PSEN2: variants seen among roughly 807,000 people sequenced by gnomAD.
PSEN2 encodes presenilin-2.
A neutral mutation model predicts 49.1 loss-of-function variants in PSEN2; 32 were observed. The ratio of observed to expected loss-of-function variants is 0.65; its 90% confidence interval spans 0.49 to 0.88. The LOEUF (loss-of-function observed/expected upper bound fraction) is 0.88, where lower values mean the gene tolerates loss of function less well. Ranked by LOEUF, PSEN2 falls within the 40% of genes least tolerant of loss-of-function variation. The pLI is 0.00. For synonymous variants in PSEN2, 255 were observed against 244.0 expected (o/e 1.05, Z -0.42); for missense variants, 522 against 586.9 (o/e 0.89, Z 1.14).
intron 5 of PSEN2, among the ~76,000 whole-genome samples, chr1:226,884,445 A>G (rs1028627016): frequency 6.6e-6 from 1 of 152,130 alleles, no homozygotes; most frequent in East Asian, 1.9e-4. Flanking sequence ...AGTAAAATAC[A>G]TGCAGAGGCA....
chr1:226,890,118 G>A lies in PSEN2; in HGVS notation c.871G>A (p.Ala291Thr), dbSNP rs1296772638. The change falls in exon 9 of 13, where the codon GCC becomes ACC. Residue 291 changes from alanine (A) to threonine (T), a missense_variant. Coordinates refer to ENST00000366783, the MANE Select transcript of PSEN2 (RefSeq NM_000447.3). The part of the protein sequence containing the change: ...AQERNEPIFP[A>T]LIYSSAMVWT... ...GGAGAGAAATGAGCCCATATTCCCT[G>A]CCCTGATATACTCATGTGAGTGAGC... The A allele has an allele frequency of 6.2e-7, 1 of 1,613,384 alleles. No homozygotes were observed. Among genetic ancestry groups the A allele is most frequent in the Non-Finnish European group, 8.5e-7 (1 of 1,179,340 alleles).
chr1:226,884,448 C>G (rs1661213967), intron 5 of PSEN2, among the ~76,000 whole-genome samples: 1 of 152,146 alleles, frequency 6.6e-6, no homozygotes, highest in Non-Finnish European at 1.5e-5. Flanking sequence ...AAAATACATG[C>G]AGAGGCAGCA....
In PSEN2 at chr1:226,895,956, C is replaced by T. The variant is rs202160009; in HGVS notation, c.*377C>T. On this transcript the variant is annotated 3_prime_UTR_variant, in exon 13 of 13. Transcript: ENST00000366783. ...CTGGAGAGGAAAAGCCAGTTCCCTA[C>T]GAGGAGTGTTCCCAATGCTTTGTCC... The T allele has an allele frequency of 9.9e-5, 35 of 354,270 alleles. No individual in the cohort carries two copies. Among genetic ancestry groups the T allele is most frequent in the Non-Finnish European group, 1.5e-4 (29 of 187,468 alleles). 21.9% of individuals were successfully genotyped at this position (354,270 alleles called of 1,614,324 possible).
At chr1:226,875,987 CCT>C (rs1477302297) in intron 3 of PSEN2, among the ~76,000 whole-genome samples, 1 of 152,196 alleles carries the variant, frequency 6.6e-6, no homozygotes, top group East Asian at 1.9e-4. Flanking sequence ...CTTCCTTCTG[CCT>C]CTCTGCATTT....
In PSEN2 at chr1:226,896,032, T is replaced by C. The variant is rs1011448130; in HGVS notation, c.*453T>C. 1 of 231,108 alleles carries C rather than the reference T, an allele frequency of 4.3e-6. No homozygotes were observed. Among genetic ancestry groups the C allele is most frequent in the Non-Finnish European group, 8.7e-6 (1 of 115,584 alleles). The allele number at this position is 231,108 out of a possible 1,614,324, so 14.3% of individuals were successfully genotyped here. The stretch of plus-strand genomic sequence containing the variant: ...TTTAGAAACTGAGTCCTGTTCTTGT[T>C]ACGGCAGTCACACTGCTGGGAAGTG... On this transcript the variant is annotated 3_prime_UTR_variant, in exon 13 of 13. Coordinates refer to ENST00000366783, the MANE Select transcript of PSEN2 (RefSeq NM_000447.3).
rs200568747 is a variant in PSEN2, at chr1:226,896,034, C to G, written c.*455C>G. 1.8e-5 allele frequency: 4 copies of G among 227,260 alleles called. No homozygotes were observed. The allele number at this position is 227,260 out of a possible 1,614,324, so 14.1% of individuals were successfully genotyped here. On this transcript the variant is annotated 3_prime_UTR_variant, in exon 13 of 13. Transcript: ENST00000366783. ...TAGAAACTGAGTCCTGTTCTTGTTA[C>G]GGCAGTCACACTGCTGGGAAGTGGC...
intron 12 of PSEN2, among the ~76,000 whole-genome samples, chr1:226,903,083 C>T (rs1662366528): frequency 6.7e-6 from 1 of 148,482 alleles, no homozygotes. Context: ...CATTCTCATA[C>T]TAAAACACTG....
intron 8 of PSEN2, among the ~76,000 whole-genome samples, chr1:226,889,745 C>T (rs1661612653): frequency 6.6e-6 from 1 of 152,246 alleles, no homozygotes; most frequent in Non-Finnish European, 1.5e-5. Flanking sequence ...AGTATTGTTA[C>T]TTCCATTTTA....
At chr1:226,894,375 G>A (rs1353036160) in intron 12 of PSEN2, among the ~76,000 whole-genome samples, 2 of 152,222 alleles carry the variant, frequency 1.3e-5, no homozygotes, top group Admixed American at 6.5e-5. Flanking sequence ...CGGCCCCAGC[G>A]TGGCTGAGCA....
chr1:226,902,469 C>G (rs1662348278), intron 12 of PSEN2, among the ~76,000 whole-genome samples: 1 of 152,090 alleles, frequency 6.6e-6, no homozygotes, highest in Admixed American at 6.5e-5. Context: ...TAGGGAAGAC[C>G]TCCCCTTGCT....
chr1:226,883,975 T>TGGGGGCTGTGTGCCCTGGGGGG, intron 5 of PSEN2, 56 bp downstream of exon 5: 1 of 129,696 alleles, frequency 7.7e-6, no homozygotes, highest in East Asian at 1.5e-4. Flanking sequence ...TGCCAGGGGG[T>TGGGGGCTGTGTGCCCTGGGGGG]GGGGGGCGCA....
At chr1:226,870,683 G>C (rs1558133581) in intron 1 of PSEN2, 34 bp downstream of exon 1, 1 of 152,106 alleles carries the variant, frequency 6.6e-6, no homozygotes. Flanking sequence ...GCCCAGGCCA[G>C]GGCCCTGTCG....
chr1:226,898,251 A>T (rs1038658489), downstream of PSEN2: 1 of 152,256 alleles, frequency 6.6e-6, no homozygotes, highest in African/African-American at 2.4e-5. Context: ...CACCGTGCCC[A>T]GCCCAGTTAT....
rs1662069597 is a variant in PSEN2 at position 226,895,351 on chromosome 1, G to A, written c.1192-73G>A. On this transcript the variant is annotated intron_variant, in intron 12 of 12. Transcript: ENST00000366783. Reference sequence around the variant, plus strand: ...CCTCGAACAAGCTCCTGTGCCCAGGGACTAGACCATGACTCACAGCTCCTG... The same window carrying A: ...CCTCGAACAAGCTCCTGTGCCCAGGAACTAGACCATGACTCACAGCTCCTG... 5.1e-6 allele frequency: 8 copies of A among 1,569,248 alleles called. No individual in the cohort carries two copies. The Admixed American group carries it at 1.0e-4, about 20-fold the overall frequency.
rs1239562799 is a variant in PSEN2 at position 226,891,780 on chromosome 1, C to T, written c.1008C>T (p.Tyr336=). ...ATGACAGTTTTGGGGAGCCTTCATA[C>T]CCCGAAGTCTTTGAGCCTCCCTTGA... ...DSYDSFGEPS[Y]PEVFEPPLTG... is the part of the protein sequence containing the mutation. The change falls in exon 11 of 13, where the codon TAC becomes TAT. Residue 336 remains tyrosine, a synonymous_variant. Transcript: ENST00000366783. 1.9e-6 allele frequency: 3 copies of T among 1,614,030 alleles called. No individual in the cohort carries two copies. The highest frequency in any genetic ancestry group is 1.7e-5 in the Admixed American group (1 of 60,008).
At chr1:226,898,788 G>A (rs1662228953), downstream of PSEN2, 1 of 152,046 alleles carries the variant, frequency 6.6e-6, no homozygotes, top group African/African-American at 2.4e-5. Context: ...TAGTTTTTTT[G>A]TATTTTGAGT....
At chr1:226,902,425 C>T (rs1285676083) in intron 12 of PSEN2, among the ~76,000 whole-genome samples, 4 of 151,924 alleles carry the variant, frequency 2.6e-5, no homozygotes, top group Non-Finnish European at 4.4e-5. Flanking sequence ...CTGGGGTGTT[C>T]TGGGAATGGG....
chr1:226,888,377 G>A (rs752639049), intron 7 of PSEN2, among the ~76,000 whole-genome samples: 1 of 152,118 alleles, frequency 6.6e-6, no homozygotes, highest in Non-Finnish European at 1.5e-5. Flanking sequence ...TTTCTGTCTC[G>A]TTCCTGATTT....
intron 11 of PSEN2, among the ~76,000 whole-genome samples, chr1:226,893,171 T>C (rs1274061138): frequency 1.3e-5 from 2 of 152,242 alleles, no homozygotes; most frequent in African/African-American, 4.8e-5. Context: ...GCTCAAGTGA[T>C]CCACCTGCCT....
Sources: allele counts gnomAD v4.1 joint callset (sites outside exome capture counted in the v4.1 genomes callset), GRCh38; gene constraint gnomAD v4.1.1; transcripts MANE v1.5; gene names NCBI Gene and HGNC (gene_info 2026-07-23, HGNC 2026-07-21).